PDILT: variants seen among roughly 807,000 people sequenced by gnomAD.
PDILT encodes the protein protein disulfide-isomerase-like protein of the testis.
Under a neutral mutation model 53.7 loss-of-function variants are expected in PDILT, and 43 were observed. The ratio of observed to expected loss-of-function variants is 0.80; its 90% confidence interval spans 0.63 to 1.03. The LOEUF (loss-of-function observed/expected upper bound fraction) is 1.03, where lower values mean the gene tolerates loss of function less well. PDILT is among the 50% of genes least tolerant of loss of function. The pLI, the probability that PDILT is intolerant of heterozygous loss-of-function variation, is 0.00. For missense variants in PDILT, 727 were observed against 712.3 expected, an observed-to-expected ratio of 1.02 and a Z score of -0.24; for synonymous variants, 282 against 274.2, an observed-to-expected ratio of 1.03 and a Z score of -0.28.
At chr16:20,369,844 A>G (rs542465021) in intron 7 of PDILT, among the ~76,000 whole-genome samples, 155 bp from the exon 8 acceptor site, 1 of 152,356 alleles carries the variant, frequency 6.6e-6, no homozygotes, top group South Asian at 2.1e-4. Flanking sequence ...ACCGAAATGC[A>G]TGGCAGGCAG....
In PDILT at chr16:20,366,090, CAAAAAAA is replaced by C. The variant is rs34816350; in HGVS notation, c.1117-557_1117-551del. On this transcript the variant is annotated intron_variant, in intron 8 of 11. Coordinates refer to ENST00000302451, the MANE Select transcript of PDILT (RefSeq NM_174924.2). ...GGTTGACAGAGCAAGATTTCGTCTC[CAAAAAAA>C]AAAAAAAAAAAAAAATTAGTTGTCC... Among the ~76,000 whole-genome samples, 154 of 72,262 alleles carry C rather than the reference CAAAAAAA, an allele frequency of 2.1e-3. 1 individual carries two copies. The highest frequency in any genetic ancestry group is 3.6e-3 in the Non-Finnish European group (119 of 32,738). 47.4% of individuals were successfully genotyped at this position (72,262 alleles called of 152,430 possible).
intron 2 of PDILT, among the ~76,000 whole-genome samples, chr16:20,397,428 C>G (rs1966675440): frequency 6.6e-6 from 1 of 152,292 alleles, no homozygotes; most frequent in South Asian, 2.1e-4. Context: ...CAGGCATGAG[C>G]TACCATGCCC....
At position 20,359,374 on chromosome 16, in the gene PDILT, T is replaced by A; in HGVS notation, c.1700A>T (p.Lys567Met). Residue 567 changes from lysine (K) to methionine (M), a missense_variant, in exon 12 of 12, where the codon AAG (lysine) becomes ATG (methionine). Transcript: ENST00000302451. The stretch of plus-strand genomic sequence containing the variant: ...CTTTTGCACTGGAGGTCCCTTTGGC[T>A]TAGCCACCACCACCACCACCTCCTC... Reference protein sequence around the residue: ...TSEEVVVVVAKPKGPPVQKKK... With the variant: ...TSEEVVVVVAMPKGPPVQKKK... 1 of 1,614,218 alleles carries A rather than the reference T, an allele frequency of 6.2e-7. No individual in the cohort carries two copies. Among genetic ancestry groups the A allele is most frequent in the African/African-American group, 1.3e-5 (1 of 75,062 alleles).
At chr16:20,367,051 CTTTCTTTCTTTCT>C (rs1966215934) in intron 8 of PDILT, among the ~76,000 whole-genome samples, 5 of 82,386 alleles carry the variant, frequency 6.1e-5, no homozygotes, top group African/African-American at 2.6e-4. Flanking sequence ...TTCTTTCTTT[CTTTCTTTCTTTCT>C]TTCTTTCTTT....
intron 10 of PDILT, 135 bp downstream of exon 10, chr16:20,362,269 T>G: frequency 6.7e-6 from 6 of 898,868 alleles, no homozygotes; most frequent in Non-Finnish European, 1.0e-5. Context: ...AACTTGAATG[T>G]GAGAGGATGG....
intron 8 of PDILT, among the ~76,000 whole-genome samples, chr16:20,367,547 TAAG>T (rs1284687803): frequency 6.6e-6 from 1 of 152,128 alleles, no homozygotes; most frequent in Admixed American, 6.5e-5. Context: ...TCTAACAGCA[TAAG>T]AAGACATGTT....
At chr16:20,384,532 G>A (rs1478557529) in intron 3 of PDILT, 113 bp downstream of exon 3, 1 of 1,285,078 alleles carries the variant, frequency 7.8e-7, no homozygotes, top group East Asian at 2.3e-5. Context: ...ACAAGCTGGA[G>A]GATCCTGGGT....
At chr16:20,388,967 T>C (rs1448487196) in intron 2 of PDILT, 3 of 152,110 alleles carry the variant, frequency 2.0e-5, no homozygotes, top group African/African-American at 4.8e-5. Context: ...GAACCTTGAA[T>C]TCCAAGTTTG....
At chr16:20,370,403 C>T (rs991499173) in intron 7 of PDILT, among the ~76,000 whole-genome samples, 4 of 152,080 alleles carry the variant, frequency 2.6e-5, no homozygotes, top group African/African-American at 9.7e-5. Flanking sequence ...GGTAGGGGCT[C>T]AGGATTAGGT....
Position 20,384,019 on chromosome 16 carries a change from G to A in PDILT, c.409+626C>T, listed in dbSNP as rs147791811. The stretch of plus-strand genomic sequence containing the variant: ...CAATGAATGAAAAATATGATAGAAC[G>A]TAAGGTGTTTGGTAGACATTGCATC... On this transcript the variant is annotated intron_variant, in intron 3 of 11. Transcript: ENST00000302451. Among the ~76,000 whole-genome samples, 34 of 152,330 alleles carry A rather than the reference G, an allele frequency of 2.2e-4. No individual in the cohort carries two copies. The East Asian group carries it at 5.8e-3, about 26-fold the overall frequency.
At chr16:20,360,287 T>A (rs972348259) in intron 11 of PDILT, among the ~76,000 whole-genome samples, 7 of 152,144 alleles carry the variant, frequency 4.6e-5, no homozygotes, top group African/African-American at 1.7e-4. Flanking sequence ...CACCAAGACA[T>A]CTGGTCAGTG....
intron 3 of PDILT, among the ~76,000 whole-genome samples, chr16:20,379,535 G>C (rs749313729): frequency 6.6e-6 from 1 of 152,008 alleles, no homozygotes; most frequent in Non-Finnish European, 1.5e-5. Context: ...GGCCAGTCTC[G>C]AACTCCTGGG....
intron 9 of PDILT, among the ~76,000 whole-genome samples, chr16:20,364,227 T>C (rs4280249): frequency 6.6e-6 from 1 of 152,082 alleles, no homozygotes; most frequent in Non-Finnish European, 1.5e-5. Flanking sequence ...TGGGTGTGAC[T>C]TAAGTACAGA....
At chr16:20,388,916 A>G (rs1352995819) in intron 2 of PDILT, 1 of 152,190 alleles carries the variant, frequency 6.6e-6, no homozygotes, top group African/African-American at 2.4e-5. Context: ...TCATCTCAAA[A>G]AAAAAAAAAA....
At chr16:20,393,103 C>G (rs1001405910) in intron 2 of PDILT, among the ~76,000 whole-genome samples, 2 of 152,150 alleles carry the variant, frequency 1.3e-5, no homozygotes, top group African/African-American at 4.8e-5. Flanking sequence ...TCTATGTAAA[C>G]CATTAGTTTA....
At chr16:20,377,469 A>G (rs1966403545) in intron 3 of PDILT, among the ~76,000 whole-genome samples, 1 of 152,196 alleles carries the variant, frequency 6.6e-6, no homozygotes, top group South Asian at 2.1e-4. Flanking sequence ...AAACAAACAC[A>G]TTACCACCAT....
At chr16:20,375,672 GTT>G (rs778495591) in intron 4 of PDILT, among the ~76,000 whole-genome samples, 3 of 152,170 alleles carry the variant, frequency 2.0e-5, no homozygotes, top group Non-Finnish European at 4.4e-5. Context: ...ATGAGTGCAT[GTT>G]TATCCTGTGC....
chr16:20,394,791 A>T lies in PDILT; in HGVS notation c.202+4308T>A, dbSNP rs151082040. Among the ~76,000 whole-genome samples, 684 of 152,254 alleles carry T rather than the reference A, an allele frequency of 4.5e-3. 4 individuals carry two copies. Among genetic ancestry groups the T allele is most frequent in the African/African-American group, 0.015 (635 of 41,558 alleles). ...CTCCCACCTTGCTGGCTGGAGGCAG[A>T]GGTTTCTGTGGAGTACTCTAGGCCC... On this transcript the variant is annotated intron_variant, in intron 2 of 11. Transcript: ENST00000302451.
intron 2 of PDILT, among the ~76,000 whole-genome samples, chr16:20,398,089 C>CCATCACA (rs1966684803): frequency 1.3e-5 from 2 of 152,104 alleles, no homozygotes; most frequent in Non-Finnish European, 2.9e-5. Context: ...TGACTAGTAC[C>CCATCACA]CATCACACGG....
Sources: gnomAD v4.1 joint callset for allele counts (sites outside exome capture counted in the v4.1 genomes callset) on GRCh38, gnomAD v4.1.1 for gene constraint, MANE v1.5 for transcripts, NCBI Gene and HGNC (gene_info 2026-07-23, HGNC 2026-07-21) for gene names.